The following CTNNA3 variants were observed in gnomAD, a reference collection of about 807,000 sequenced individuals.
CTNNA3 encodes catenin alpha-3.
Under a neutral mutation model 95.7 loss-of-function variants are expected in CTNNA3, and 76 were observed. The ratio of observed to expected loss-of-function variants is 0.79; its 90% CI spans 0.66 to 0.96. The LOEUF (loss-of-function observed/expected upper bound fraction) is 0.96, where lower values mean the gene tolerates loss of function less well. Ranked by LOEUF, CTNNA3 falls within the 40% of genes least tolerant of loss-of-function variation. The probability of loss-of-function intolerance (pLI) is 0.00; values close to 1 mark genes in which losing one functional copy is unlikely to be tolerated. For synonymous variants in CTNNA3, 431 were observed against 374.4 expected (o/e 1.15, Z -1.74); for missense variants, 1,191 against 1,089.8 (o/e 1.09, Z -1.31).
At chr10:67,215,989 A>T (rs1288788792) in intron 6 of CTNNA3, among the ~76,000 whole-genome samples, 1 of 152,168 alleles carries the variant, frequency 6.6e-6, no homozygotes, top group Non-Finnish European at 1.5e-5. Context: ...TTATTTATGT[A>T]TATAAAAATA....
chr10:66,969,796 G>C (rs1249464025), intron 7 of CTNNA3, among the ~76,000 whole-genome samples: 2 of 152,098 alleles, frequency 1.3e-5, no homozygotes, highest in Non-Finnish European at 2.9e-5. Flanking sequence ...CATTTGAGGA[G>C]AAAAGCTGCC....
intron 1 of CTNNA3, among the ~76,000 whole-genome samples, chr10:67,655,457 T>C (rs1049054379): frequency 6.6e-6 from 1 of 152,164 alleles, no homozygotes; most frequent in Non-Finnish European, 1.5e-5. Context: ...ACTGAAATAA[T>C]GTTATAAAAG....
At chr10:67,269,320 G>C (rs1838856798) in intron 5 of CTNNA3, among the ~76,000 whole-genome samples, 1 of 152,076 alleles carries the variant, frequency 6.6e-6, no homozygotes, top group South Asian at 2.1e-4. Context: ...AAGGATGAAA[G>C]CTATGTTTTA....
rs555283820 is a variant in CTNNA3 at position 67,191,916 on chromosome 10, T to C, written c.844-11396A>G. ...ATACACAAACACCATTTGAATAGAA[T>C]TAAGAGCCCAGGAATAAACCCACAC... On this transcript the variant is annotated intron_variant, in intron 6 of 17. Transcript: ENST00000433211. Among the ~76,000 whole-genome samples, 19 of 151,950 alleles carry C rather than the reference T, an allele frequency of 1.3e-4. No homozygotes were observed. In the East Asian group the frequency reaches 1.9e-3, roughly 15 times the overall value.
At chr10:67,370,787 T>C (rs1033730178) in intron 5 of CTNNA3, among the ~76,000 whole-genome samples, 1 of 152,164 alleles carries the variant, frequency 6.6e-6, no homozygotes, top group African/African-American at 2.4e-5. Context: ...TAATCACTAT[T>C]TCAGAGAAAA....
chr10:67,487,318 C>T (rs543329327), intron 5 of CTNNA3, among the ~76,000 whole-genome samples: 153 of 152,280 alleles, frequency 1.0e-3, no homozygotes, highest in African/African-American at 3.4e-3. Flanking sequence ...GCTGCCAAGG[C>T]TCCTGATCAT....
At chr10:67,739,386 A>T (rs1219851832) in intron 1 of CTNNA3, among the ~76,000 whole-genome samples, 1 of 152,180 alleles carries the variant, frequency 6.6e-6, no homozygotes, top group Non-Finnish European at 1.5e-5. Context: ...TGCAGATGAC[A>T]TGATTGTATA....
intron 1 of CTNNA3, among the ~76,000 whole-genome samples, chr10:67,669,016 T>A: frequency 6.6e-6 from 1 of 151,928 alleles, no homozygotes; most frequent in Non-Finnish European, 1.5e-5. Flanking sequence ...TTTTTTGTAT[T>A]TTTAGTAGAG....
At chr10:67,005,686 T>TTTTTTTTTGTTTGTTTG (rs1564826012) in intron 7 of CTNNA3, among the ~76,000 whole-genome samples, 2 of 101,152 alleles carry the variant, frequency 2.0e-5, no homozygotes, top group African/African-American at 6.3e-5. Context: ...CTCCATCTTT[T>TTTTTTTTTGTTTGTTTG]TTTTTTTTTT....
chr10:66,629,807 G>A (rs1845069769), intron 9 of CTNNA3, among the ~76,000 whole-genome samples: 1 of 152,016 alleles, frequency 6.6e-6, no homozygotes, highest in South Asian at 2.1e-4. Context: ...TCTGTTGGCT[G>A]GAATGCTCTC....
intron 12 of CTNNA3, among the ~76,000 whole-genome samples, chr10:66,357,817 C>T (rs1398814096): frequency 6.6e-6 from 1 of 152,076 alleles, no homozygotes; most frequent in Non-Finnish European, 1.5e-5. Flanking sequence ...CAGATAGGAA[C>T]TGAATTGCTG....
intron 11 of CTNNA3, among the ~76,000 whole-genome samples, chr10:66,477,246 C>T (rs114660859): frequency 1.3e-5 from 2 of 152,014 alleles, no homozygotes; most frequent in Non-Finnish European, 2.9e-5. Flanking sequence ...ACTAAAATGG[C>T]ATTTCTGGGC....
chr10:66,936,201 T>C (rs929156967), intron 7 of CTNNA3, among the ~76,000 whole-genome samples: 1 of 152,136 alleles, frequency 6.6e-6, no homozygotes. Flanking sequence ...CACAGATGTG[T>C]GGAGTCTTTA....
At chr10:65,945,195 A>G (rs960642798) in intron 17 of CTNNA3, among the ~76,000 whole-genome samples, 1 of 152,020 alleles carries the variant, frequency 6.6e-6, no homozygotes, top group Non-Finnish European at 1.5e-5. Flanking sequence ...GAGAGAAGAC[A>G]TGAGCATAAA....
intron 13 of CTNNA3, among the ~76,000 whole-genome samples, chr10:66,156,091 C>T (rs997689): frequency 2.2e-4 from 33 of 151,982 alleles, no homozygotes; most frequent in East Asian, 7.7e-4. Context: ...GAATAGATTA[C>T]GTATGCTGAA....
chr10:66,904,407 A>C (rs1040252309), intron 7 of CTNNA3, among the ~76,000 whole-genome samples: 9 of 152,206 alleles, frequency 5.9e-5, no homozygotes, highest in Non-Finnish European at 1.2e-4. Flanking sequence ...CTAAAACCCC[A>C]AAAACCCTAG....
intron 9 of CTNNA3, among the ~76,000 whole-genome samples, chr10:66,714,704 T>A (rs1313131104): frequency 6.6e-6 from 1 of 152,158 alleles, no homozygotes; most frequent in East Asian, 1.9e-4. Context: ...CCAGAACTAC[T>A]GAGTCAGAAG....
At chr10:67,097,590 C>T in intron 7 of CTNNA3, 2 of 1,611,892 alleles carry the variant, frequency 1.2e-6, no homozygotes, top group Non-Finnish European at 1.7e-6. Flanking sequence ...TCCCCAGATA[C>T]CTTTATCAAT....
At chr10:66,215,035 T>C (rs780132722) in intron 13 of CTNNA3, among the ~76,000 whole-genome samples, 1 of 151,352 alleles carries the variant, frequency 6.6e-6, no homozygotes, top group Non-Finnish European at 1.5e-5. Flanking sequence ...ATTTCTGTTA[T>C]TGTGAAATAT....
Sources: allele counts gnomAD v4.1 joint callset (sites outside exome capture counted in the v4.1 genomes callset), GRCh38; gene constraint gnomAD v4.1.1; transcripts MANE v1.5; gene names NCBI Gene and HGNC (gene_info 2026-07-23, HGNC 2026-07-21).